Variants in CNTN5 observed in about 807,000 individuals in gnomAD.
The protein encoded by CNTN5 is contactin-5.
CNTN5 carries 77 observed loss-of-function variants against 129.1 expected under a neutral mutation model. That is an observed-to-expected ratio of 0.60 (90% confidence interval 0.50 to 0.72). The LOEUF is 0.72. Among genes scored for constraint, CNTN5 ranks in the 30% least tolerant of loss-of-function variants. CNTN5 has a pLI of 0.00. For missense variants in CNTN5, 1,478 were observed against 1,328.8 expected (o/e 1.11, Z -1.75); for synonymous variants, 509 against 465.6 (o/e 1.09, Z -1.20).
intron 2 of CNTN5, among the ~76,000 whole-genome samples, chr11:99,410,586 G>A (rs1485351225): frequency 6.6e-6 from 1 of 151,602 alleles, no homozygotes; most frequent in Non-Finnish European, 1.5e-5. Context: ...GAGAGAGAGA[G>A]AAATAGCTAA....
At chr11:99,081,685 G>T (rs1216444493) in intron 1 of CNTN5, among the ~76,000 whole-genome samples, 2 of 152,054 alleles carry the variant, frequency 1.3e-5, no homozygotes, top group Admixed American at 1.3e-4. Flanking sequence ...TATAAATCAG[G>T]TTTCCTTAAA....
chr11:99,204,800 G>A (rs563734977), intron 1 of CNTN5, among the ~76,000 whole-genome samples: 25 of 152,288 alleles, frequency 1.6e-4, no homozygotes, highest in East Asian at 3.9e-4. Flanking sequence ...GAGAGCTGGC[G>A]TGGAGGTATT....
At chr11:100,282,120 C>T (rs570493166) in intron 18 of CNTN5, among the ~76,000 whole-genome samples, 11 of 151,510 alleles carry the variant, frequency 7.3e-5, no homozygotes, top group South Asian at 2.1e-4. Context: ...TTGCTGAAGT[C>T]GTGTTTTCCT....
At chr11:99,591,337 C>CTTT (rs10633238) in intron 3 of CNTN5, among the ~76,000 whole-genome samples, 17,068 of 112,708 alleles carry the variant, frequency 0.15, 2,429 homozygotes, top group African/African-American at 0.28. Flanking sequence ...TCAACAAAAC[C>CTTT]TTTTTTTTTT....
intron 18 of CNTN5, among the ~76,000 whole-genome samples, chr11:100,288,596 C>T (rs1255615894): frequency 6.6e-6 from 1 of 151,900 alleles, no homozygotes; most frequent in Admixed American, 6.6e-5. Flanking sequence ...ATCTCTGGGA[C>T]ACATTCAAAG....
chr11:99,670,979 T>G (rs2135945405), intron 3 of CNTN5, among the ~76,000 whole-genome samples: 1 of 152,284 alleles, frequency 6.6e-6, no homozygotes, highest in Admixed American at 6.5e-5. Context: ...GACCACTGTT[T>G]GACACTCCCC....
chr11:99,482,927 TAAAACTC>T (rs559610388), intron 2 of CNTN5, among the ~76,000 whole-genome samples: 252 of 151,996 alleles, frequency 1.7e-3, no homozygotes, highest in African/African-American at 5.6e-3. Flanking sequence ...AAATAACTCT[TAAAACTC>T]AAATACTGAG....
intron 2 of CNTN5, among the ~76,000 whole-genome samples, chr11:99,342,571 CAAAAAAAAAAAAAAAA>C (rs58710723): frequency 4.1e-5 from 1 of 24,492 alleles, no homozygotes; most frequent in Non-Finnish European, 6.4e-5. Flanking sequence ...CCCGTTATCT[CAAAAAAAAAAAAAAAA>C]AAAAAAAAAA....
chr11:99,884,782 G>T (rs899697974), intron 6 of CNTN5, among the ~76,000 whole-genome samples: 1 of 152,162 alleles, frequency 6.6e-6, no homozygotes, highest in African/African-American at 2.4e-5. Flanking sequence ...TTCAAGAACA[G>T]CCTGACCAAA....
chr11:99,213,504 A>T (rs1267916954), intron 1 of CNTN5, among the ~76,000 whole-genome samples: 4 of 149,374 alleles, frequency 2.7e-5, no homozygotes, highest in Admixed American at 6.7e-5. Flanking sequence ...ATATACACAT[A>T]TATATTTCCT....
At chr11:99,885,031 A>T (rs1323725762) in intron 6 of CNTN5, among the ~76,000 whole-genome samples, 1 of 152,086 alleles carries the variant, frequency 6.6e-6, no homozygotes, top group Non-Finnish European at 1.5e-5. Context: ...ACCTGTAATG[A>T]CAGCACTCTG....
Position 99,460,157 on chromosome 11 carries a change from A to G in CNTN5, c.-70-95988A>G, listed in dbSNP as rs1944640811. 2.6e-5 allele frequency among the ~76,000 whole-genome samples: 4 copies of G among 152,010 alleles called. No individual in the cohort carries two copies. In the South Asian group the frequency reaches 6.2e-4, roughly 24 times the overall value. ...TCGTGCTAAACCAGGACATGCAAAC[A>G]TCAGAAAAAAATATAAAACTTTTAA... On this transcript the variant is annotated intron_variant, in intron 2 of 24. Transcript: ENST00000524871.
intron 13 of CNTN5, among the ~76,000 whole-genome samples, chr11:100,168,250 G>T (rs12225881): frequency 0.052 from 7,831 of 152,018 alleles, 207 homozygotes; most frequent in Non-Finnish European, 0.059. Context: ...GATGAAAGTG[G>T]CTACACTAAA....
chr11:99,880,831 T>C (rs1331053985), intron 6 of CNTN5, among the ~76,000 whole-genome samples: 1 of 152,186 alleles, frequency 6.6e-6, no homozygotes, highest in African/African-American at 2.4e-5. Flanking sequence ...TTGGAGATAG[T>C]AAAAACTCAC....
At chr11:99,124,847 A>G (rs892966128) in intron 1 of CNTN5, among the ~76,000 whole-genome samples, 3 of 152,074 alleles carry the variant, frequency 2.0e-5, no homozygotes, top group African/African-American at 4.8e-5. Flanking sequence ...GTTTTTGAAC[A>G]CAAACTAGAA....
intron 13 of CNTN5, among the ~76,000 whole-genome samples, chr11:100,166,579 C>T (rs1222192198): frequency 6.6e-6 from 1 of 151,538 alleles, no homozygotes; most frequent in Non-Finnish European, 1.5e-5. Context: ...TTAAAATTAA[C>T]CCCATGCTCT....
intron 3 of CNTN5, among the ~76,000 whole-genome samples, chr11:99,679,683 A>G (rs1218867910): frequency 1.3e-5 from 2 of 152,102 alleles, no homozygotes; most frequent in Non-Finnish European, 2.9e-5. Flanking sequence ...TCAGTTAAGA[A>G]CCCTACCGTG....
intron 9 of CNTN5, among the ~76,000 whole-genome samples, chr11:100,029,475 C>T (rs957036592): frequency 2.0e-5 from 3 of 151,450 alleles, no homozygotes; most frequent in South Asian, 2.1e-4. Context: ...CCCAGCTACT[C>T]GGGAGGCTGA....
intron 3 of CNTN5, among the ~76,000 whole-genome samples, chr11:99,785,471 T>A (rs1005280890): frequency 3.9e-5 from 6 of 152,170 alleles, no homozygotes; most frequent in African/African-American, 1.4e-4. Flanking sequence ...ATGAAGTCTT[T>A]GCCCATGCGT....
Sources: allele counts gnomAD v4.1 joint callset (sites outside exome capture counted in the v4.1 genomes callset), GRCh38; gene constraint gnomAD v4.1.1; transcripts MANE v1.5; gene names NCBI Gene and HGNC (gene_info 2026-07-23, HGNC 2026-07-21).